TBX15: variants seen among roughly 807,000 people sequenced by gnomAD.
The protein encoded by TBX15 is T-box transcription factor 15, also known as T-box transcription factor TBX15.
Under a neutral mutation model 53.9 loss-of-function variants are expected in TBX15, and 18 were observed. The ratio of observed to expected loss-of-function variants is 0.33; its 90% CI spans 0.23 to 0.49. TBX15 has a LOEUF of 0.49. TBX15 is among the 20% of genes least tolerant of loss of function. The pLI, the probability that TBX15 is intolerant of heterozygous loss-of-function variation, is 0.98. For synonymous variants in TBX15, 295 were observed against 278.0 expected (o/e 1.06, Z -0.61); for missense variants, 692 against 749.5 (o/e 0.92, Z 0.90).
At chr1:118,932,802 C>T (rs1011423709) in intron 1 of TBX15, among the ~76,000 whole-genome samples, 1 of 152,042 alleles carries the variant, frequency 6.6e-6, no homozygotes, top group Non-Finnish European at 1.5e-5. Flanking sequence ...AGCTTAATGC[C>T]AAGAATTGTG....
At position 118,987,815 on chromosome 1, in the gene TBX15, G is replaced by A. The variant is rs1291509203; in HGVS notation, c.-20C>T. 1.3e-6 allele frequency: 2 copies of A among 1,546,838 alleles called. No individual in the cohort carries two copies. The highest frequency in any genetic ancestry group is 2.0e-5 in the Admixed American group (1 of 50,964). ...ACTCATTTTAGCCGCCCACACCCCT[G>A]CCTCCGCTTGCCCCCGCTACCGAGG... On this transcript the variant is annotated 5_prime_UTR_variant, in exon 1 of 8. Coordinates refer to ENST00000369429, the MANE Select transcript of TBX15 (RefSeq NM_001330677.2).
chr1:118,925,218 T>C (rs763407440), intron 3 of TBX15, among the ~76,000 whole-genome samples: 5 of 152,244 alleles, frequency 3.3e-5, no homozygotes, highest in Non-Finnish European at 7.3e-5. Context: ...ACCTTTCAAA[T>C]GCAAACCATA....
At chr1:118,981,339 C>CA (rs1185259892) in intron 1 of TBX15, among the ~76,000 whole-genome samples, 2 of 149,648 alleles carry the variant, frequency 1.3e-5, no homozygotes, top group African/African-American at 4.9e-5. Context: ...CACACACACA[C>CA]AATGGCAGTT....
intron 1 of TBX15, among the ~76,000 whole-genome samples, chr1:118,966,566 T>A (rs1282375712): frequency 2.0e-5 from 3 of 152,082 alleles, no homozygotes; most frequent in Non-Finnish European, 4.4e-5. Context: ...TAAACTTCCA[T>A]CCACACTGCC....
intron 1 of TBX15, among the ~76,000 whole-genome samples, chr1:118,956,569 T>A (rs550972758): frequency 6.6e-5 from 10 of 152,330 alleles, no homozygotes; most frequent in South Asian, 6.2e-4. Flanking sequence ...AGTTCAAGAA[T>A]GTTTAATCAT....
At chr1:118,973,769 C>G (rs1330300753) in intron 1 of TBX15, among the ~76,000 whole-genome samples, 1 of 152,140 alleles carries the variant, frequency 6.6e-6, no homozygotes. Context: ...CTCCCCTACA[C>G]ACATACACAC....
At chr1:118,900,998 A>T (rs147320215) in intron 6 of TBX15, among the ~76,000 whole-genome samples, 16 of 152,308 alleles carry the variant, frequency 1.1e-4, no homozygotes, top group Non-Finnish European at 2.1e-4. Flanking sequence ...CTCAAGGACA[A>T]AGAACAGTCC....
At chr1:118,890,916 C>G (rs771557531) in intron 7 of TBX15, 9 of 1,304,108 alleles carry the variant, frequency 6.9e-6, no homozygotes, top group Non-Finnish European at 1.0e-6. Context: ...TGGCATCTGT[C>G]TCTGAGGAGT....
intron 7 of TBX15, among the ~76,000 whole-genome samples, chr1:118,895,425 A>G (rs1484133475): frequency 1.3e-5 from 2 of 152,224 alleles, no homozygotes; most frequent in African/African-American, 4.8e-5. Flanking sequence ...CCACTCAAAT[A>G]GCTCCATTAT....
chr1:118,889,424 C>G (rs112701505), intron 7 of TBX15, among the ~76,000 whole-genome samples: 10 of 152,298 alleles, frequency 6.6e-5, no homozygotes, highest in African/African-American at 2.2e-4. Flanking sequence ...CACAGAAAAG[C>G]TAGGGCAGGG....
At chr1:118,885,650 T>A in intron 7 of TBX15, 134 bp from the exon 8 acceptor site, 1 of 1,092,598 alleles carries the variant, frequency 9.2e-7, no homozygotes, top group South Asian at 1.4e-5. Context: ...ATTTTTCCTC[T>A]TAACTCAGCA....
chr1:118,969,354 G>A (rs944366139), intron 1 of TBX15, among the ~76,000 whole-genome samples: 2 of 152,198 alleles, frequency 1.3e-5, no homozygotes, highest in African/African-American at 2.4e-5. Context: ...TCTGGACCAT[G>A]AAAGACCTGA....
intron 1 of TBX15, among the ~76,000 whole-genome samples, chr1:118,971,690 C>T (rs1335725859): frequency 6.6e-6 from 1 of 152,146 alleles, no homozygotes; most frequent in Non-Finnish European, 1.5e-5. Flanking sequence ...AAAGATCAAC[C>T]AAAACAATTG....
At chr1:118,986,324 A>G (rs1007082287) in intron 1 of TBX15, among the ~76,000 whole-genome samples, 8 of 152,360 alleles carry the variant, frequency 5.3e-5, no homozygotes, top group African/African-American at 1.9e-4. Flanking sequence ...AAAGGCTTGG[A>G]CGGTCGAAAT....
At chr1:118,960,154 T>TG (rs1656820469) in intron 1 of TBX15, among the ~76,000 whole-genome samples, 3 of 152,018 alleles carry the variant, frequency 2.0e-5, no homozygotes, top group African/African-American at 4.8e-5. Flanking sequence ...TGAGGCGGGA[T>TG]GGGGGACCCC....
chr1:118,923,476 T>C lies in TBX15; in HGVS notation c.821A>G (p.Glu274Gly), dbSNP rs1655493226. Residue 274 changes from glutamate to glycine, a missense_variant, in exon 5 of 8, where the codon GAG (glutamate) becomes GGG (glycine). By Grantham distance (98) the Glu-to-Gly change is moderately conservative. This residue lies in a region of TBX15 where 307 missense variants were observed against 347.5 expected (regional missense o/e 0.88). Coordinates refer to ENST00000369429, the MANE Select transcript of TBX15 (RefSeq NM_001330677.2). ...GDGVKTFNFP[E>G]TVFTTVTAYQ... ...GGCCGTAACTGTGGTGAACACAGTC[T>C]CAGGAAAGTTGAACGTTTTCACCCC... 6.2e-7 allele frequency: 1 copy of C among 1,613,836 alleles called. No individual in the cohort carries two copies. Among genetic ancestry groups the C allele is most frequent in the Non-Finnish European group, 8.5e-7 (1 of 1,179,940 alleles).
intron 2 of TBX15, among the ~76,000 whole-genome samples, chr1:118,929,067 G>T (rs1359144074): frequency 1.3e-5 from 2 of 152,202 alleles, no homozygotes; most frequent in Non-Finnish European, 2.9e-5. Flanking sequence ...TACAAAAAGA[G>T]ATGTGTTTGG....
chr1:118,967,936 C>G (rs1557903448), intron 1 of TBX15, among the ~76,000 whole-genome samples: 1 of 152,228 alleles, frequency 6.6e-6, no homozygotes, highest in Non-Finnish European at 1.5e-5. Flanking sequence ...ACATTACTTA[C>G]TCCTCTCACG....
chr1:118,971,683 G>T (rs1049594409), intron 1 of TBX15, among the ~76,000 whole-genome samples: 1 of 152,168 alleles, frequency 6.6e-6, no homozygotes, highest in Non-Finnish European at 1.5e-5. Context: ...ATGTAGAAAA[G>T]ATCAACCAAA....
Sources: gnomAD v4.1 joint callset for allele counts (sites outside exome capture counted in the v4.1 genomes callset) on GRCh38, gnomAD v4.1.1 for gene constraint, gnomAD v4.1.1 regional missense constraint, MANE v1.5 for transcripts, NCBI Gene and HGNC (gene_info 2026-07-23, HGNC 2026-07-21) for gene names.